Variants in RERE observed in about 807,000 individuals in gnomAD.
RERE encodes the protein arginine-glutamic acid dipeptide repeats.
RERE carries 40 observed loss-of-function variants against 146.1 expected under a neutral mutation model. The ratio of observed to expected loss-of-function variants is 0.27; its 90% CI spans 0.21 to 0.36. The LOEUF is 0.36. RERE is among the 10% of genes least tolerant of loss of function. RERE has a pLI of 1.00. For synonymous variants in RERE, 1,003 were observed against 866.0 expected (o/e 1.16, Z -2.78); for missense variants, 1,933 against 2,138.7 (o/e 0.90, Z 1.90).
intron 12 of RERE, among the ~76,000 whole-genome samples, chr1:8,413,242 T>C (rs1390531343): frequency 6.6e-6 from 1 of 152,190 alleles, no homozygotes. Context: ...TCTATATAAA[T>C]ACATATATGC....
intron 2 of RERE, among the ~76,000 whole-genome samples, chr1:8,637,069 T>C (rs1184674156): frequency 6.6e-6 from 1 of 152,192 alleles, no homozygotes; most frequent in Non-Finnish European, 1.5e-5. Context: ...AATATTCTAA[T>C]TTTTTTAAAC....
chr1:8,630,541 A>G (rs1049127891), intron 2 of RERE, among the ~76,000 whole-genome samples: 1 of 152,180 alleles, frequency 6.6e-6, no homozygotes, highest in African/African-American at 2.4e-5. Context: ...TCCTGCCAGA[A>G]TCTTTTGCTG....
At chr1:8,508,546 G>C (rs1200232004) in intron 8 of RERE, 81 bp downstream of exon 8, 2 of 1,079,324 alleles carry the variant, frequency 1.9e-6, no homozygotes, top group East Asian at 4.7e-5. Context: ...CACATTCTAA[G>C]ATGCTGCGCA....
chr1:8,497,555 C>T, intron 8 of RERE, 26 bp from the exon 9 acceptor site: 9 of 1,612,854 alleles, frequency 5.6e-6, no homozygotes, highest in Non-Finnish European at 7.6e-6. Flanking sequence ...GAGTAAGTCA[C>T]AATCAAGGCA....
chr1:8,360,732 C>A lies in RERE; in HGVS notation c.2775G>T (p.Met925Ile), dbSNP rs761772702. ...TGGTAGGCGGGGGCTTGATGTGGGG[C>A]ATGGCCAAGGGCGCTGGTGGCAGGG... ...EQPLPPAPLA[M>I]PHIKPPPTTP... Residue 925 changes from methionine to isoleucine, a missense_variant, in exon 18 of 23, where the codon ATG (methionine) becomes ATT (isoleucine). By Grantham distance (10) the Met-to-Ile change is conservative. Around this residue, in one of 11 missense-constraint regions of RERE, gnomAD observed 1,255 missense variants for 1,153.8 expected, o/e 1.09. Transcript: ENST00000400908. 11 of 1,593,688 alleles carry A rather than the reference C, an allele frequency of 6.9e-6. No individual in the cohort carries two copies. The South Asian group carries it at 1.1e-4, about 16-fold the overall frequency.
chr1:8,783,161 C>G (rs1296302961), intron 1 of RERE, among the ~76,000 whole-genome samples: 3 of 152,004 alleles, frequency 2.0e-5, no homozygotes, highest in African/African-American at 7.3e-5. Context: ...TAGTGAGACC[C>G]CATTTCTACA....
At chr1:8,650,199 T>C (rs1430615699) in intron 2 of RERE, among the ~76,000 whole-genome samples, 3 of 152,176 alleles carry the variant, frequency 2.0e-5, no homozygotes, top group Non-Finnish European at 2.9e-5. Flanking sequence ...TAGTGATAAA[T>C]TCTAAATAAT....
At chr1:8,487,350 A>C (rs1280903366) in intron 10 of RERE, among the ~76,000 whole-genome samples, 1 of 152,130 alleles carries the variant, frequency 6.6e-6, no homozygotes, top group African/African-American at 2.4e-5. Context: ...GGGGAAGCTG[A>C]GGAGGATCAC....
chr1:8,419,337 G>A (rs1643859871), intron 12 of RERE, among the ~76,000 whole-genome samples: 1 of 152,174 alleles, frequency 6.6e-6, no homozygotes, highest in Non-Finnish European at 1.5e-5. Context: ...AGAAAAGCCA[G>A]ATTTAGCTCT....
chr1:8,638,793 T>C (rs1385527537), intron 2 of RERE, among the ~76,000 whole-genome samples: 1 of 144,246 alleles, frequency 6.9e-6, no homozygotes, highest in African/African-American at 2.7e-5. Flanking sequence ...ATTTTTTTTT[T>C]TTTTTTTTTT....
At position 8,612,690 on chromosome 1, in the gene RERE, CATTG is replaced by C. The variant is rs372823638; in HGVS notation, c.522+1867_522+1870del. 7.7e-4 allele frequency among the ~76,000 whole-genome samples: 117 copies of C among 152,256 alleles called. 6 individuals are homozygous for C. In the East Asian group the frequency reaches 0.02, roughly 26 times the overall value. ...ATAAAAGTATTAATAATAGCATCCA[CATTG>C]ATTAAGAAAATATCAGCCTGAAAGT... On this transcript the variant is annotated intron_variant, in intron 4 of 22. Transcript: ENST00000400908.
intron 10 of RERE, among the ~76,000 whole-genome samples, chr1:8,479,382 G>A (rs947044285): frequency 1.3e-5 from 2 of 151,568 alleles, no homozygotes; most frequent in African/African-American, 4.8e-5. Context: ...AACTGTGGTA[G>A]GCCAAAAAAT....
At chr1:8,359,687 G>A (rs1046058097) in intron 19 of RERE, 77 bp downstream of exon 19, 2 of 1,494,438 alleles carry the variant, frequency 1.3e-6, no homozygotes, top group African/African-American at 1.4e-5. Context: ...CAAGGGCAGA[G>A]CTCGGTGGCC....
intron 1 of RERE, among the ~76,000 whole-genome samples, chr1:8,772,359 C>G (rs935005458): frequency 6.6e-6 from 1 of 152,028 alleles, no homozygotes; most frequent in Non-Finnish European, 1.5e-5. Flanking sequence ...TAAGTAAAAT[C>G]TTACAAAGTA....
At position 8,354,964 on chromosome 1, in the gene RERE, A is replaced by T. The variant is rs1034599708; in HGVS notation, c.*123T>A. The T allele has an allele frequency of 1.3e-6, 1 of 788,482 alleles. No individual in the cohort carries two copies. Among genetic ancestry groups the T allele is most frequent in the African/African-American group, 1.8e-5 (1 of 56,814 alleles). 48.8% of individuals were successfully genotyped at this position (788,482 alleles called of 1,614,324 possible). On this transcript the variant is annotated 3_prime_UTR_variant, in exon 23 of 23. Coordinates refer to ENST00000400908, the MANE Select transcript of RERE (RefSeq NM_001042681.2). ...ATACATTTTTAGTTGTGGGTTTTTAAATATATAAAGAAATCTTTAGAAGAT... is the reference window on the plus strand; with the variant it reads ...ATACATTTTTAGTTGTGGGTTTTTATATATATAAAGAAATCTTTAGAAGAT...
At chr1:8,683,503 A>G (rs1639020641) in intron 1 of RERE, among the ~76,000 whole-genome samples, 1 of 152,150 alleles carries the variant, frequency 6.6e-6, no homozygotes, top group Non-Finnish European at 1.5e-5. Context: ...CAACCCATCC[A>G]CTGTAGACTG....
At chr1:8,355,309 C>G in intron 22 of RERE, 110 bp downstream of exon 22, 1 of 1,289,394 alleles carries the variant, frequency 7.8e-7, no homozygotes, top group East Asian at 2.4e-5. Context: ...CACAATGTCC[C>G]CTCCAGGGCC....
At chr1:8,689,856 C>A (rs1447749514) in intron 1 of RERE, among the ~76,000 whole-genome samples, 1 of 151,974 alleles carries the variant, frequency 6.6e-6, no homozygotes, top group African/African-American at 2.4e-5. Flanking sequence ...CAATGAACTG[C>A]CCTACACTTG....
intron 12 of RERE, among the ~76,000 whole-genome samples, chr1:8,389,209 G>A (rs1420132606): frequency 6.6e-6 from 1 of 152,164 alleles, no homozygotes; most frequent in Non-Finnish European, 1.5e-5. Flanking sequence ...TACTCCATAG[G>A]TGTCAACAGT....
Sources: allele counts gnomAD v4.1 joint callset (sites outside exome capture counted in the v4.1 genomes callset), GRCh38; gene constraint gnomAD v4.1.1; regional missense constraint gnomAD v4.1.1; transcripts MANE v1.5; gene names NCBI Gene and HGNC (gene_info 2026-07-23, HGNC 2026-07-21).